Variants in MS4A1 observed in about 807,000 individuals in gnomAD.
MS4A1 encodes membrane spanning 4-domains A1.
In MS4A1, 16 loss-of-function variants were observed where a neutral mutation model predicts 26.5. The ratio of observed to expected loss-of-function variants is 0.60; its 90% CI spans 0.41 to 0.92. The LOEUF (loss-of-function observed/expected upper bound fraction) is 0.92, where lower values mean the gene tolerates loss of function less well. MS4A1 is among the 40% of genes least tolerant of loss of function. The pLI is 0.00. For missense variants in MS4A1, 350 were observed against 353.0 expected (o/e 0.99, Z 0.07); for synonymous variants, 128 against 117.6 (o/e 1.09, Z -0.57).
In MS4A1 at chr11:60,462,386, C is replaced by T. The variant is rs202047596; in HGVS notation, c.12C>T (p.Pro4=). 6.2e-7 allele frequency: 1 copy of T among 1,614,142 alleles called. No individual in the cohort carries two copies. Among genetic ancestry groups the T allele is most frequent in the Non-Finnish European group, 8.5e-7 (1 of 1,180,042 alleles). ...GTTTTGAGAGCAAAATGACAACACCCAGAAATTCAGTAAATGGGACTTTCC... is the reference window on the plus strand; with the variant it reads ...GTTTTGAGAGCAAAATGACAACACCTAGAAATTCAGTAAATGGGACTTTCC... The part of the protein sequence containing the change: MTT[P]RNSVNGTFPA... Residue 4 remains proline, a synonymous_variant, in exon 3 of 8, where the codon CCC becomes CCT. Coordinates refer to ENST00000345732, the MANE Select transcript of MS4A1 (RefSeq NM_152866.3).
In MS4A1 at chr11:60,470,236, A is replaced by G. The variant is rs1321184528; in HGVS notation, c.*1768A>G. The G allele has an allele frequency of 6.6e-6, 1 of 152,056 alleles. No individual in the cohort carries two copies. The highest frequency in any genetic ancestry group is 1.5e-5 in the Non-Finnish European group (1 of 67,906). The allele number at this position is 152,056 out of a possible 1,614,324, so 9.4% of individuals were successfully genotyped here. ...AGTCTTACACAGGTTCTCAAAAAAA[A>G]TGTTCATGGGATAGGTCATTGATAA... On this transcript the variant is annotated 3_prime_UTR_variant, in exon 8 of 8. Coordinates refer to ENST00000345732, the MANE Select transcript of MS4A1 (RefSeq NM_152866.3).
rs1414716272 is a variant in MS4A1 at position 60,463,159 on chromosome 11, A to C, written c.279+38A>C. The C allele has an allele frequency of 3.7e-6, 6 of 1,613,822 alleles. No individual in the cohort carries two copies. In the African/African-American group the frequency reaches 8.0e-5, roughly 22 times the overall value. On this transcript the variant is annotated intron_variant, in intron 4 of 7. Transcript: ENST00000345732. ...ATAGCAGCCATTTGGGAAATGGTGCAGACAAAAATGTTAAAAGGCTCCACA... is the reference window on the plus strand; with the variant it reads ...ATAGCAGCCATTTGGGAAATGGTGCCGACAAAAATGTTAAAAGGCTCCACA...
At chr11:60,466,183 T>C in intron 6 of MS4A1, 26 bp downstream of exon 6, 1 of 1,539,648 alleles carries the variant, frequency 6.5e-7, no homozygotes, top group South Asian at 1.1e-5. Flanking sequence ...AAGTGTGAGA[T>C]TGGATTTCTC....
chr11:60,459,724 G>A (rs920115572), intron 1 of MS4A1, among the ~76,000 whole-genome samples: 1 of 152,056 alleles, frequency 6.6e-6, no homozygotes, highest in African/African-American at 2.4e-5. Context: ...GGCTATCTAG[G>A]GCAGGGGCAA....
intron 1 of MS4A1, among the ~76,000 whole-genome samples, chr11:60,457,854 G>A (rs190402564): frequency 1.2e-4 from 19 of 152,224 alleles, no homozygotes; most frequent in South Asian, 2.1e-4. Context: ...AAGCAGCTGC[G>A]GTGAAGAAAA....
rs1208417279 is a variant in MS4A1 at position 60,462,382 on chromosome 11, C to T, written c.8C>T (p.Thr3Ile). 6.2e-7 allele frequency: 1 copy of T among 1,614,178 alleles called. No individual in the cohort carries two copies. Among genetic ancestry groups the T allele is most frequent in the Non-Finnish European group, 8.5e-7 (1 of 1,180,028 alleles). Residue 3 changes from threonine to isoleucine, a missense_variant, in exon 3 of 8, where the codon ACA becomes ATA. Physicochemically the swap from Thr to Ile is moderately conservative, Grantham distance 89. Coordinates refer to ENST00000345732, the MANE Select transcript of MS4A1 (RefSeq NM_152866.3). Reference protein sequence around the residue: MTTPRNSVNGTFP... With the variant: MTIPRNSVNGTFP... ...AGGAGTTTTGAGAGCAAAATGACAA[C>T]ACCCAGAAATTCAGTAAATGGGACT...
At chr11:60,467,604 GC>G in intron 7 of MS4A1, among the ~76,000 whole-genome samples, 1 of 151,912 alleles carries the variant, frequency 6.6e-6, no homozygotes, top group South Asian at 2.1e-4. Flanking sequence ...AACCTTCCCT[GC>G]TGCTTGACTT....
chr11:60,463,755 T>C (rs1411184152), intron 4 of MS4A1: 1 of 454,076 alleles, frequency 2.2e-6, no homozygotes, highest in East Asian at 7.0e-5. Flanking sequence ...TTTCCTCCAT[T>C]CTACAGCCTG....
intron 3 of MS4A1, 43 bp downstream of exon 3, chr11:60,462,576 G>C (rs200323557): frequency 1.2e-6 from 2 of 1,611,360 alleles, no homozygotes; most frequent in Admixed American, 1.7e-5. Context: ...GGATTCTCTG[G>C]CTGACAGAAG....
intron 5 of MS4A1, among the ~76,000 whole-genome samples, chr11:60,464,579 T>A (rs1306475705): frequency 6.6e-6 from 1 of 152,174 alleles, no homozygotes; most frequent in Non-Finnish European, 1.5e-5. Flanking sequence ...ACCTACAGTC[T>A]TAAGAACGTT....
Position 60,468,927 on chromosome 11 carries a change from TA to T in MS4A1, c.*468del, listed in dbSNP as rs35374361. 1.1e-3 allele frequency: 198 copies of T among 172,914 alleles called. No individual in the cohort carries two copies. Among genetic ancestry groups the T allele is most frequent in the Middle Eastern group, 2.9e-3 (1 of 342 alleles). 10.7% of individuals were successfully genotyped at this position (172,914 alleles called of 1,614,324 possible). ...TTTTGCATCATTGTTTTAAGGATGA[TA>T]AAAAAAAATAACAACTAGGGACAAT... On this transcript the variant is annotated 3_prime_UTR_variant, in exon 8 of 8. Transcript: ENST00000345732.
At position 60,465,561 on chromosome 11, in the gene MS4A1, A is replaced by G. The variant is rs117099262; in HGVS notation, c.337-360A>G. On this transcript the variant is annotated intron_variant, in intron 5 of 7. Coordinates refer to ENST00000345732, the MANE Select transcript of MS4A1 (RefSeq NM_152866.3). The stretch of plus-strand genomic sequence containing the variant: ...ACCTATTTATGAAGGCAGATAATAA[A>G]CTGGATAATATTTATCTTCACTTAT... 9.3e-3 allele frequency among the ~76,000 whole-genome samples: 1,419 copies of G among 152,298 alleles called. 5 individuals are homozygous for G. Among genetic ancestry groups the G allele is most frequent in the Non-Finnish European group, 0.016 (1,086 of 68,020 alleles).
chr11:60,462,641 C>A, intron 3 of MS4A1, 108 bp downstream of exon 3: 1 of 1,426,440 alleles, frequency 7.0e-7, no homozygotes, highest in Non-Finnish European at 9.8e-7. Context: ...AATTGGGATC[C>A]AACCTGATGT....
intron 6 of MS4A1, 86 bp downstream of exon 6, chr11:60,466,243 A>G: frequency 9.3e-7 from 1 of 1,073,238 alleles, no homozygotes; most frequent in Non-Finnish European, 1.4e-6. Context: ...CTCTGGATCC[A>G]GACCACCTGA....
In MS4A1 at chr11:60,462,601, G is replaced by A. The variant is rs114254375; in HGVS notation, c.159+68G>A. On this transcript the variant is annotated intron_variant, in intron 3 of 7. Transcript: ENST00000345732. ...GCTGACAGAAGCTGATGCGGTATAG[G>A]CCACATACAGAATTCAATCCAATTT... 2,701 of 1,585,374 alleles carry A rather than the reference G, an allele frequency of 1.7e-3. 47 individuals are homozygous for A. The African/African-American group carries it at 0.032, about 19-fold the overall frequency.
Position 60,469,377 on chromosome 11 carries a change from C to T in MS4A1, c.*909C>T, listed in dbSNP as rs977895414. ...ATAACTTGTAAACAAGAAAAGGTAA[C>T]TTGTCAACAGTCATAACTAGTAATT... On this transcript the variant is annotated 3_prime_UTR_variant, in exon 8 of 8. Transcript: ENST00000345732. 5.9e-5 allele frequency: 9 copies of T among 152,102 alleles called. No individual in the cohort carries two copies. Among genetic ancestry groups the T allele is most frequent in the Admixed American group, 3.3e-4 (5 of 15,276 alleles). 9.4% of individuals were successfully genotyped at this position (152,102 alleles called of 1,614,324 possible).
chr11:60,466,277 G>C lies in MS4A1; in HGVS notation c.573+120G>C, dbSNP rs1019835276. On this transcript the variant is annotated intron_variant, in intron 6 of 7. Coordinates refer to ENST00000345732, the MANE Select transcript of MS4A1 (RefSeq NM_152866.3). Reference sequence around the variant, plus strand: ...GAGTTTGCTAGTTACTGTCTGTGTGGCTTTGGGAAAGAATTTTAACCACAC... The same window carrying C: ...GAGTTTGCTAGTTACTGTCTGTGTGCCTTTGGGAAAGAATTTTAACCACAC... The C allele has an allele frequency of 5.2e-5, 45 of 861,010 alleles. 1 individual carries two copies. In the Admixed American group the frequency reaches 7.0e-4, roughly 13 times the overall value. 53.3% of individuals were successfully genotyped at this position (861,010 alleles called of 1,614,324 possible).
At chr11:60,460,530 G>C (rs1460980253) in intron 1 of MS4A1, among the ~76,000 whole-genome samples, 1 of 152,194 alleles carries the variant, frequency 6.6e-6, no homozygotes, top group Non-Finnish European at 1.5e-5. Context: ...TAATGGCTGG[G>C]ATGTGGCACC....
intron 1 of MS4A1, among the ~76,000 whole-genome samples, chr11:60,457,143 G>T (rs368221671): frequency 6.6e-6 from 1 of 152,190 alleles, no homozygotes; most frequent in Non-Finnish European, 1.5e-5. Flanking sequence ...GAGCAGGAAC[G>T]CCCTCAGGTG....
Sources: allele counts gnomAD v4.1 joint callset (sites outside exome capture counted in the v4.1 genomes callset), GRCh38; gene constraint gnomAD v4.1.1; transcripts MANE v1.5; gene names NCBI Gene and HGNC (gene_info 2026-07-23, HGNC 2026-07-21).